The following STIM1 variants were observed in gnomAD, a reference collection of about 807,000 sequenced individuals.
STIM1 encodes stromal interaction molecule 1.
In STIM1, 25 loss-of-function variants were observed where a neutral mutation model predicts 74.7. That is an observed-to-expected ratio of 0.33 (90% CI 0.24 to 0.47). The LOEUF (loss-of-function observed/expected upper bound fraction) is 0.47, where lower values mean the gene tolerates loss of function less well. Ranked by LOEUF, STIM1 falls within the 20% of genes least tolerant of loss-of-function variation. STIM1 has a pLI of 1.00. For missense variants in STIM1, 728 were observed against 920.8 expected, an observed-to-expected ratio of 0.79 and a Z score of 2.71; for synonymous variants, 328 against 348.8, an observed-to-expected ratio of 0.94 and a Z score of 0.66.
At chr11:3,948,214 G>A (rs6578423) in intron 1 of STIM1, among the ~76,000 whole-genome samples, 11,340 of 152,122 alleles carry the variant, frequency 0.075, 759 homozygotes, top group East Asian at 0.18. Flanking sequence ...GAAAGTATTA[G>A]ACATGAAAAG....
chr11:3,871,970 T>C (rs560172357), intron 1 of STIM1, among the ~76,000 whole-genome samples: 1 of 152,368 alleles, frequency 6.6e-6, no homozygotes, highest in South Asian at 2.1e-4. Context: ...TGATGATCTG[T>C]TCTTTGCAAT....
At chr11:3,875,402 A>G (rs2091275297) in intron 1 of STIM1, among the ~76,000 whole-genome samples, 1 of 152,204 alleles carries the variant, frequency 6.6e-6, no homozygotes, top group Non-Finnish European at 1.5e-5. Flanking sequence ...TTTAACATAA[A>G]AAGTTAAACT....
At chr11:4,047,033 G>A (rs945683340) in intron 3 of STIM1, among the ~76,000 whole-genome samples, 1 of 152,148 alleles carries the variant, frequency 6.6e-6, no homozygotes, top group African/African-American at 2.4e-5. Context: ...TTTTGTTGTT[G>A]TTGTTTTGAG....
intron 1 of STIM1, among the ~76,000 whole-genome samples, chr11:3,904,824 C>A (rs2092436810): frequency 6.6e-6 from 1 of 152,026 alleles, no homozygotes; most frequent in East Asian, 1.9e-4. Flanking sequence ...GGGTGATATC[C>A]ATGAGAAAAT....
rs112000686 is a variant in STIM1 at position 4,073,203 on chromosome 11, T to C, written c.792-1299T>C. Among the ~76,000 whole-genome samples, 895 of 152,228 alleles carry C rather than the reference T, an allele frequency of 5.9e-3. 5 individuals carry two copies. Among genetic ancestry groups the C allele is most frequent in the African/African-American group, 0.02 (851 of 41,532 alleles). ...CTAAGCTATATATCTTATCTCTTCTTCACCATCCTTTCTCCTTCCTAATCT... is the reference window on the plus strand; with the variant it reads ...CTAAGCTATATATCTTATCTCTTCTCCACCATCCTTTCTCCTTCCTAATCT... On this transcript the variant is annotated intron_variant, in intron 6 of 12. Transcript: ENST00000526596.
intron 2 of STIM1, among the ~76,000 whole-genome samples, chr11:4,007,906 A>G (rs142183513): frequency 1.3e-4 from 20 of 152,248 alleles, no homozygotes; most frequent in East Asian, 5.8e-4. Context: ...CCATGTAGTC[A>G]TGTACTCCAA....
intron 2 of STIM1, among the ~76,000 whole-genome samples, chr11:3,977,026 C>G (rs867620876): frequency 6.6e-6 from 1 of 152,074 alleles, no homozygotes; most frequent in Non-Finnish European, 1.5e-5. Flanking sequence ...AACTTCTGAC[C>G]TCAGGTGATC....
chr11:3,892,274 G>T (rs2091918422), intron 1 of STIM1: 4 of 674,714 alleles, frequency 5.9e-6, no homozygotes, highest in Non-Finnish European at 1.0e-5. Flanking sequence ...AGCCCAAAGG[G>T]AACTGCAGCA....
At chr11:3,909,100 A>T (rs149183041) in intron 1 of STIM1, among the ~76,000 whole-genome samples, 2 of 152,204 alleles carry the variant, frequency 1.3e-5, no homozygotes, top group Non-Finnish European at 2.9e-5. Flanking sequence ...TCCTGAGTTG[A>T]GTGCCAGCCA....
intron 4 of STIM1, among the ~76,000 whole-genome samples, chr11:4,057,945 T>C (rs2094303753): frequency 1.3e-5 from 2 of 151,432 alleles, no homozygotes; most frequent in Admixed American, 6.6e-5. Flanking sequence ...CTGAATGAGG[T>C]ATTGTATGTA....
At chr11:4,088,671 C>G in intron 12 of STIM1, 17 of 1,534,760 alleles carry the variant, frequency 1.1e-5, no homozygotes, top group Non-Finnish European at 1.3e-5. Flanking sequence ...GGCCTGTTCA[C>G]TACTTAATTT....
At chr11:4,053,382 C>T (rs1342895332) in intron 3 of STIM1, among the ~76,000 whole-genome samples, 3 of 152,130 alleles carry the variant, frequency 2.0e-5, no homozygotes, top group African/African-American at 7.2e-5. Flanking sequence ...ACATATACAC[C>T]ATGGAATACT....
chr11:3,881,661 G>A (rs1482312899), intron 1 of STIM1, among the ~76,000 whole-genome samples: 2 of 149,366 alleles, frequency 1.3e-5, no homozygotes, highest in East Asian at 4.0e-4. Context: ...GTGAGCCACC[G>A]TGCCCGGCCG....
chr11:4,039,585 C>CAAAAAAAAAAAAAAAAAAAACAAAAAA (rs2094132112), intron 3 of STIM1, among the ~76,000 whole-genome samples: 1 of 54,478 alleles, frequency 1.8e-5, no homozygotes, highest in African/African-American at 7.1e-5. Context: ...GACTCCATCT[C>CAAAAAAAAAAAAAAAAAAAACAAAAAA]AAAAAAAAAA....
At chr11:4,078,485 A>G (rs12364664) in intron 7 of STIM1, among the ~76,000 whole-genome samples, 68,103 of 151,928 alleles carry the variant, frequency 0.45, 17,201 homozygotes, top group Non-Finnish European at 0.57. Flanking sequence ...CAATTGACAA[A>G]TCATCTTAGA....
intron 3 of STIM1, among the ~76,000 whole-genome samples, chr11:4,036,761 T>C (rs2094106482): frequency 6.6e-6 from 1 of 152,238 alleles, no homozygotes; most frequent in Admixed American, 6.5e-5. Context: ...ATTAGACCTT[T>C]GTCAGATGGA....
intron 1 of STIM1, among the ~76,000 whole-genome samples, chr11:3,904,522 G>A (rs1469968185): frequency 2.0e-5 from 3 of 152,064 alleles, no homozygotes; most frequent in Admixed American, 1.3e-4. Flanking sequence ...CTTTACCGTC[G>A]ATATTTAAGA....
intron 2 of STIM1, among the ~76,000 whole-genome samples, chr11:4,002,039 A>G (rs540959026): frequency 1.4e-5 from 2 of 139,822 alleles, no homozygotes; most frequent in African/African-American, 2.7e-5. Context: ...AGAGCTAACT[A>G]TCCTAAATAT....
chr11:4,059,494 C>A, intron 5 of STIM1, 98 bp downstream of exon 5: 1 of 907,114 alleles, frequency 1.1e-6, no homozygotes, highest in Non-Finnish European at 1.8e-6. Context: ...CCTAGGCACA[C>A]CTGCAAGATA....
Sources: allele counts gnomAD v4.1 joint callset (sites outside exome capture counted in the v4.1 genomes callset), GRCh38; gene constraint gnomAD v4.1.1; transcripts MANE v1.5; gene names NCBI Gene and HGNC (gene_info 2026-07-23, HGNC 2026-07-21).